The following MSRB3 variants were observed in gnomAD, a reference collection of about 807,000 sequenced individuals.
MSRB3 encodes methionine-R-sulfoxide reductase B3.
Under a neutral mutation model 21.0 loss-of-function variants are expected in MSRB3, and 13 were observed. The observed-to-expected ratio is 0.62, with a 90% CI of 0.40 to 0.98. MSRB3 has a LOEUF of 0.98. Ranked by LOEUF, MSRB3 falls within the 50% of genes least tolerant of loss-of-function variation. The pLI is 0.00. For missense variants in MSRB3, 199 were observed against 230.3 expected (o/e 0.86, Z 0.88); for synonymous variants, 87 against 88.6 (o/e 0.98, Z 0.10).
At chr12:65,299,343 A>G (rs1238130810) in intron 1 of MSRB3, among the ~76,000 whole-genome samples, 2 of 152,194 alleles carry the variant, frequency 1.3e-5, no homozygotes, top group Non-Finnish European at 2.9e-5. Flanking sequence ...TTTCCCTTTC[A>G]TATACTAGTC....
intron 5 of MSRB3, among the ~76,000 whole-genome samples, chr12:65,376,922 G>A (rs1275101431): frequency 6.6e-6 from 1 of 152,164 alleles, no homozygotes; most frequent in Non-Finnish European, 1.5e-5. Context: ...ATTACCACCT[G>A]TAAATACAAG....
intron 2 of MSRB3, among the ~76,000 whole-genome samples, chr12:65,311,118 A>G (rs1215586399): frequency 6.6e-6 from 1 of 152,098 alleles, no homozygotes; most frequent in African/African-American, 2.4e-5. Flanking sequence ...CTTTCATGGG[A>G]CTCACAAATA....
At chr12:65,349,072 C>T (rs902506220) in intron 4 of MSRB3, among the ~76,000 whole-genome samples, 1 of 151,978 alleles carries the variant, frequency 6.6e-6, no homozygotes, top group African/African-American at 2.4e-5. Context: ...CCCCACCCCA[C>T]CACAGTCCCC....
chr12:65,410,667 A>G (rs767520349), intron 5 of MSRB3, among the ~76,000 whole-genome samples: 44 of 152,148 alleles, frequency 2.9e-4, no homozygotes, highest in Admixed American at 3.3e-4. Context: ...CAGCTCAGCA[A>G]CTTGCTCATT....
At chr12:65,339,396 A>G (rs1204531254) in intron 4 of MSRB3, among the ~76,000 whole-genome samples, 1 of 152,214 alleles carries the variant, frequency 6.6e-6, no homozygotes, top group Non-Finnish European at 1.5e-5. Context: ...CAACCAACAG[A>G]ATGGTAAATC....
chr12:65,453,550 A>C (rs527462478), intron 5 of MSRB3, among the ~76,000 whole-genome samples, 178 bp from the exon 6 acceptor site: 1 of 152,322 alleles, frequency 6.6e-6, no homozygotes, highest in South Asian at 2.1e-4. Context: ...TTAAAAAATA[A>C]CTGTACTCTT....
intron 5 of MSRB3, among the ~76,000 whole-genome samples, chr12:65,384,940 A>C (rs1879133560): frequency 6.6e-6 from 1 of 152,184 alleles, no homozygotes; most frequent in South Asian, 2.1e-4. Flanking sequence ...GGCATGTATA[A>C]GTATTAATGT....
At position 65,463,184 on chromosome 12, in the gene MSRB3, T is replaced by A. The variant is rs1883407420; in HGVS notation, c.420T>A (p.Asp140Glu). ...QCGAHLGHIF[D>E]DGPRPTGKRY... Reference sequence around the variant, plus strand: ...GTGCTCACCTTGGGCACATTTTTGATGATGGGCCTCGTCCAACTGGGAAAA... The same window carrying A: ...GTGCTCACCTTGGGCACATTTTTGAAGATGGGCCTCGTCCAACTGGGAAAA... Residue 140 changes from aspartate to glutamate, a missense_variant, in exon 7 of 7, where the codon GAT (aspartate) becomes GAA (glutamate). Transcript: ENST00000308259. 1.9e-6 allele frequency: 3 copies of A among 1,614,086 alleles called. No individual in the cohort carries two copies. The Admixed American group carries it at 5.0e-5, about 27-fold the overall frequency.
chr12:65,321,100 C>T (rs1163282009), intron 2 of MSRB3, among the ~76,000 whole-genome samples: 1 of 152,126 alleles, frequency 6.6e-6, no homozygotes, highest in Non-Finnish European at 1.5e-5. Flanking sequence ...ACTCCCAGTC[C>T]TCCAGTTTTC....
chr12:65,369,256 CAG>C (rs1349318123), intron 5 of MSRB3, among the ~76,000 whole-genome samples: 4 of 152,014 alleles, frequency 2.6e-5, no homozygotes, highest in Non-Finnish European at 5.9e-5. Flanking sequence ...CCTATATCTG[CAG>C]AGTTTCATTT....
chr12:65,372,654 A>G (rs996034338), intron 5 of MSRB3, among the ~76,000 whole-genome samples: 3 of 152,218 alleles, frequency 2.0e-5, no homozygotes, highest in Non-Finnish European at 4.4e-5. Context: ...AAGTTAGTTG[A>G]TGCTGGAGGA....
chr12:65,429,419 GAGA>G (rs1488729484), intron 5 of MSRB3, among the ~76,000 whole-genome samples: 1 of 152,138 alleles, frequency 6.6e-6, no homozygotes, highest in Non-Finnish European at 1.5e-5. Context: ...CGGCAACCAA[GAGA>G]AGACCAGTGT....
intron 5 of MSRB3, among the ~76,000 whole-genome samples, chr12:65,384,511 G>C (rs1879111903): frequency 6.6e-6 from 1 of 152,070 alleles, no homozygotes; most frequent in South Asian, 2.1e-4. Context: ...CATGATTAAT[G>C]ACTGAAGAAG....
intron 1 of MSRB3, among the ~76,000 whole-genome samples, chr12:65,282,676 G>GTTTT (rs796149617): frequency 1.5e-5 from 2 of 133,764 alleles, no homozygotes; most frequent in Admixed American, 7.5e-5. Flanking sequence ...CTTTGCTGGT[G>GTTTT]TTTTTTTTTT....
intron 5 of MSRB3, among the ~76,000 whole-genome samples, chr12:65,447,448 G>T (rs559190651): frequency 3.1e-4 from 47 of 152,226 alleles, no homozygotes; most frequent in African/African-American, 1.0e-3. Flanking sequence ...TATTTGAAAA[G>T]ATACTTTGTT....
At chr12:65,310,888 A>G (rs1425611578) in intron 2 of MSRB3, among the ~76,000 whole-genome samples, 1 of 152,208 alleles carries the variant, frequency 6.6e-6, no homozygotes, top group East Asian at 1.9e-4. Flanking sequence ...CATGGAGATA[A>G]TAATAGTACC....
At chr12:65,357,337 C>T (rs775107495) in intron 4 of MSRB3, among the ~76,000 whole-genome samples, 1 of 151,870 alleles carries the variant, frequency 6.6e-6, no homozygotes, top group African/African-American at 2.4e-5. Context: ...CCGCTTTGAC[C>T]TGAACTATTA....
intron 1 of MSRB3, among the ~76,000 whole-genome samples, chr12:65,282,413 G>A (rs907959557): frequency 6.6e-6 from 1 of 151,960 alleles, no homozygotes; most frequent in African/African-American, 2.4e-5. Context: ...TTTAAGGGAA[G>A]TACAAAAAAG....
rs73318440 is a variant in MSRB3, at chr12:65,306,717, A to G, written c.-51-1812A>G. ...AAAAGCTGGGCAAAACTAATTTGCC[A>G]CTAGATGGAGCCCTGGCTATTTGGG... is the stretch of plus-strand genomic sequence containing the variant. On this transcript the variant is annotated intron_variant, in intron 1 of 6. Coordinates refer to ENST00000308259, the MANE Select transcript of MSRB3 (RefSeq NM_001031679.3). 4,726 of 518,172 alleles carry G rather than the reference A, an allele frequency of 9.1e-3. 220 individuals are homozygous for G. In the African/African-American group the frequency reaches 0.092, roughly 10 times the overall value. The allele number at this position is 518,172 out of a possible 1,614,324, so 32.1% of individuals were successfully genotyped here.
Sources: gnomAD v4.1 joint callset for allele counts (sites outside exome capture counted in the v4.1 genomes callset) on GRCh38, gnomAD v4.1.1 for gene constraint, MANE v1.5 for transcripts, NCBI Gene and HGNC (gene_info 2026-07-23, HGNC 2026-07-21) for gene names.